PDE10A: variants seen among roughly 807,000 people sequenced by gnomAD.
PDE10A encodes phosphodiesterase 10A, also known as cAMP and cAMP-inhibited cGMP 3',5'-cyclic phosphodiesterase 10A.
PDE10A carries 39 observed loss-of-function variants against 97.7 expected under a neutral mutation model. The ratio of observed to expected loss-of-function variants is 0.40; its 90% CI spans 0.31 to 0.52. PDE10A has a LOEUF of 0.52. Among genes scored for constraint, PDE10A ranks in the 20% least tolerant of loss-of-function variants. The pLI, the probability that PDE10A is intolerant of heterozygous loss-of-function variation, is 0.56. For missense variants in PDE10A, 731 were observed against 1,047.8 expected (o/e 0.70, Z 4.17); for synonymous variants, 371 against 376.8 (o/e 0.98, Z 0.18).
At chr6:165,840,192 C>T (rs928996980) in intron 1 of PDE10A, among the ~76,000 whole-genome samples, 3 of 148,904 alleles carry the variant, frequency 2.0e-5, no homozygotes, top group African/African-American at 7.4e-5. Context: ...TCATCTTTAT[C>T]CCATCCCCAT....
intron 2 of PDE10A, among the ~76,000 whole-genome samples, chr6:165,508,963 C>G (rs532405464): frequency 1.5e-4 from 23 of 152,054 alleles, no homozygotes; most frequent in Non-Finnish European, 2.9e-4. Flanking sequence ...CAGCAATCAG[C>G]GATGTGCTTC....
chr6:165,386,688 A>C (rs58878073), intron 17 of PDE10A, among the ~76,000 whole-genome samples: 31,775 of 152,094 alleles, frequency 0.21, 4,262 homozygotes, highest in African/African-American at 0.37. Flanking sequence ...TATACACACA[A>C]GCCTTTTATC....
At chr6:165,383,866 C>CA (rs1392625256) in intron 17 of PDE10A, among the ~76,000 whole-genome samples, 8 of 152,070 alleles carry the variant, frequency 5.3e-5, no homozygotes, top group Non-Finnish European at 1.2e-4. Flanking sequence ...GGGATACACT[C>CA]AAAGAATTTT....
At chr6:165,578,899 G>T (rs1039136385) in intron 1 of PDE10A, among the ~76,000 whole-genome samples, 14 of 152,130 alleles carry the variant, frequency 9.2e-5, no homozygotes, top group Non-Finnish European at 2.9e-5. Context: ...TGTACATGAG[G>T]TCTATAGGAA....
At chr6:165,524,678 C>G (rs1404119399) in intron 2 of PDE10A, among the ~76,000 whole-genome samples, 1 of 151,884 alleles carries the variant, frequency 6.6e-6, no homozygotes, top group Non-Finnish European at 1.5e-5. Context: ...TCAGTCTTAT[C>G]TCCTGCAGAG....
At position 165,711,029 on chromosome 6, in the gene PDE10A, G is replaced by T. The variant is rs1469645296; in HGVS notation, c.-614-167461C>A. Among the ~76,000 whole-genome samples the T allele has an allele frequency of 2.0e-5, 3 of 152,212 alleles. No homozygotes were observed. The highest frequency in any genetic ancestry group is 4.4e-5 in the Non-Finnish European group (3 of 68,034). The stretch of plus-strand genomic sequence containing the variant: ...GGGTTTCCTTTTTACCTGGCGCACT[G>T]CAGGGGTCCAGGGTGCCTTCTGCTG... On this transcript the variant is annotated intron_variant, in intron 1 of 19. Coordinates refer to the PDE10A transcript ENST00000366882. This position sits in a 1 kb window ranked among gnomAD's most constrained non-coding sequence, Gnocchi z 4.5.
At chr6:165,749,822 A>G (rs1407358200) in intron 1 of PDE10A, among the ~76,000 whole-genome samples, 2 of 152,244 alleles carry the variant, frequency 1.3e-5, no homozygotes, top group Non-Finnish European at 2.9e-5. Context: ...AAATGCCTCA[A>G]GTTTCCACAT....
chr6:165,383,503 C>G (rs902364161), intron 17 of PDE10A, among the ~76,000 whole-genome samples: 9 of 152,144 alleles, frequency 5.9e-5, no homozygotes, highest in Non-Finnish European at 1.0e-4. Context: ...TGTCTCAGTT[C>G]TCTGCCCCAC....
chr6:165,853,362 A>T (rs940998648), intron 1 of PDE10A, among the ~76,000 whole-genome samples: 4 of 152,242 alleles, frequency 2.6e-5, no homozygotes, highest in Admixed American at 6.5e-5. Context: ...GAAAAGTCTC[A>T]TTAAGGACTA....
At chr6:165,782,664 C>T (rs545682831) in intron 1 of PDE10A, among the ~76,000 whole-genome samples, 14 of 152,320 alleles carry the variant, frequency 9.2e-5, no homozygotes, top group Admixed American at 2.6e-4. Context: ...CCATGTATAA[C>T]GTAGTATTCA....
intron 3 of PDE10A, among the ~76,000 whole-genome samples, chr6:165,453,720 G>A (rs1286528842): frequency 1.3e-5 from 2 of 152,228 alleles, no homozygotes; most frequent in African/African-American, 4.8e-5. Flanking sequence ...TGGTGCCACA[G>A]CAGCCTCTAC....
chr6:165,611,995 T>G (rs1178864231), intron 1 of PDE10A, among the ~76,000 whole-genome samples: 2 of 152,236 alleles, frequency 1.3e-5, no homozygotes, highest in Non-Finnish European at 2.9e-5. Context: ...TCCCTTGTGC[T>G]GAAACACATA....
intron 2 of PDE10A, among the ~76,000 whole-genome samples, chr6:165,501,640 G>A (rs919254902): frequency 9.2e-5 from 14 of 151,364 alleles, no homozygotes; most frequent in East Asian, 1.9e-4. Flanking sequence ...GTTCAGTAAC[G>A]TCACAAAATG....
chr6:165,435,192 A>C, intron 6 of PDE10A, 45 bp downstream of exon 6: 1 of 1,505,040 alleles, frequency 6.6e-7, no homozygotes, highest in Non-Finnish European at 9.1e-7. Context: ...TCTTAATTAA[A>C]TACTTTAGGT....
rs143789045 is a variant in PDE10A at position 165,658,110 on chromosome 6, C to T, written c.865+3837G>A. On this transcript the variant is annotated intron_variant, in intron 1 of 21. Transcript: ENST00000539869. ...GCATTCTTCTACAACCTCAGTCTCC[C>T]TGAGCCCACAAACAGAAGTTAATGG... is the stretch of plus-strand genomic sequence containing the variant. Among the ~76,000 whole-genome samples the T allele has an allele frequency of 1.2e-4, 19 of 152,316 alleles. No homozygotes were observed. In the East Asian group the frequency reaches 3.1e-3, roughly 25 times the overall value.
chr6:165,524,769 C>A (rs1177338385), intron 2 of PDE10A, among the ~76,000 whole-genome samples: 1 of 152,166 alleles, frequency 6.6e-6, no homozygotes, highest in Non-Finnish European at 1.5e-5. Context: ...GCATGCACAG[C>A]CTCGCCAGGT....
chr6:165,573,876 C>G (rs1245255094), intron 1 of PDE10A, among the ~76,000 whole-genome samples: 1 of 152,194 alleles, frequency 6.6e-6, no homozygotes, highest in Non-Finnish European at 1.5e-5. Context: ...CCTCTGACAT[C>G]AGGGGAAGAC....
chr6:165,670,315 A>G (rs961236372), intron 1 of PDE10A, among the ~76,000 whole-genome samples: 1 of 152,240 alleles, frequency 6.6e-6, no homozygotes, highest in Non-Finnish European at 1.5e-5. Context: ...AACACGAGTC[A>G]CAAAGAAACG....
chr6:165,889,606 A>G (rs1307643563), intron 1 of PDE10A, among the ~76,000 whole-genome samples: 4 of 152,178 alleles, frequency 2.6e-5, no homozygotes, highest in Admixed American at 2.0e-4. Flanking sequence ...AAATGAGCAT[A>G]AACTGGTGCT....
Sources: allele counts gnomAD v4.1 joint callset (sites outside exome capture counted in the v4.1 genomes callset), GRCh38; gene constraint gnomAD v4.1.1; non-coding constraint Gnocchi (gnomAD v3.1); transcripts MANE v1.5; gene names NCBI Gene and HGNC (gene_info 2026-07-23, HGNC 2026-07-21).